The following PHACTR2 variants were observed in gnomAD, a reference collection of about 807,000 sequenced individuals.
PHACTR2 encodes the protein phosphatase and actin regulator 2.
Under a neutral mutation model 76.0 loss-of-function variants are expected in PHACTR2, and 30 were observed. The observed-to-expected ratio is 0.39, with a 90% CI of 0.30 to 0.54. PHACTR2 has a LOEUF of 0.54. Among genes scored for constraint, PHACTR2 ranks in the 20% least tolerant of loss-of-function variants. The probability of loss-of-function intolerance (pLI) is 0.61; values close to 1 mark genes in which losing one functional copy is unlikely to be tolerated. For missense variants in PHACTR2, 696 were observed against 781.1 expected, an observed-to-expected ratio of 0.89 and a Z score of 1.30; for synonymous variants, 292 against 292.5, an observed-to-expected ratio of 1.00 and a Z score of 0.02.
At chr6:143,771,204 A>ATGTGTG (rs1775121117) in intron 6 of PHACTR2, among the ~76,000 whole-genome samples, 14 of 74,532 alleles carry the variant, frequency 1.9e-4, no homozygotes, top group African/African-American at 1.1e-3. Context: ...GTATATATAT[A>ATGTGTG]TATATATATA....
intron 1 of PHACTR2, among the ~76,000 whole-genome samples, chr6:143,685,741 T>C (rs1490434384): frequency 6.8e-6 from 1 of 148,056 alleles, no homozygotes; most frequent in Non-Finnish European, 1.5e-5. Context: ...TTAGCAAAGA[T>C]TAAAATGAGT....
At chr6:143,620,919 A>G (rs80287426) in intron 1 of PHACTR2, among the ~76,000 whole-genome samples, 1,703 of 152,356 alleles carry the variant, frequency 0.011, 30 homozygotes, top group African/African-American at 0.038. Flanking sequence ...CCCATCAGCT[A>G]TGTTGAAGCT....
At position 143,618,097 on chromosome 6, in the gene PHACTR2, G is replaced by T. The variant is rs1177741520; in HGVS notation, c.13+9775G>T. Among the ~76,000 whole-genome samples, 2 of 152,160 alleles carry T rather than the reference G, an allele frequency of 1.3e-5. No homozygotes were observed. The highest frequency in any genetic ancestry group is 1.3e-4 in the Admixed American group (2 of 15,280). On this transcript the variant is annotated intron_variant, in intron 1 of 11. Coordinates refer to the PHACTR2 transcript ENST00000305766. This position sits in a 1 kb window ranked among gnomAD's most constrained non-coding sequence, Gnocchi z 5.2. Reference sequence around the variant, plus strand: ...TTAGACCCCCAAATAGCACTGCTATGATTTAATCATCACTAACTGTATCTG... The same window carrying T: ...TTAGACCCCCAAATAGCACTGCTATTATTTAATCATCACTAACTGTATCTG...
rs1023450814 is a variant in PHACTR2 at position 143,753,619 on chromosome 6, G to T, written c.296-135G>T. 2 of 577,768 alleles carry T rather than the reference G, an allele frequency of 3.5e-6. No individual in the cohort carries two copies. The highest frequency in any genetic ancestry group is 5.2e-5 in the South Asian group (2 of 38,108). 35.8% of individuals were successfully genotyped at this position (577,768 alleles called of 1,614,324 possible). A position where few individuals can be genotyped will look rare whatever the true frequency, so the allele number is the denominator to read the frequency against. On this transcript the variant is annotated intron_variant, in intron 3 of 12. Transcript: ENST00000440869. This position sits in a 1 kb window ranked among gnomAD's most constrained non-coding sequence, Gnocchi z 4.6. Reference sequence around the variant, plus strand: ...CTAGCTCTTTTGTTTTGAATAAACCGGTGAAACAGTGCAGGGTGTATTTGG... The same window carrying T: ...CTAGCTCTTTTGTTTTGAATAAACCTGTGAAACAGTGCAGGGTGTATTTGG...
rs768618888 is a variant in PHACTR2 at position 143,801,690 on chromosome 6, C to T, written c.1846-5367C>T. Reference sequence around the variant, plus strand: ...GTTTGTTATTACTGACCTTCTGAAGCCTACTCTGTCAACTCATCAAACTCA... The same window carrying T: ...GTTTGTTATTACTGACCTTCTGAAGTCTACTCTGTCAACTCATCAAACTCA... On this transcript the variant is annotated intron_variant, in intron 11 of 12. Transcript: ENST00000440869. This position sits in a 1 kb window ranked among gnomAD's most constrained non-coding sequence, Gnocchi z 4.6. Among the ~76,000 whole-genome samples, 13 of 152,134 alleles carry T rather than the reference C, an allele frequency of 8.5e-5. No homozygotes were observed. Among genetic ancestry groups the T allele is most frequent in the Non-Finnish European group, 1.8e-4 (12 of 68,034 alleles).
rs1775329306 is a variant in PHACTR2 at position 143,564,237 on chromosome 6, GTATGC to G, written c.217+27031_217+27035del. Among the ~76,000 whole-genome samples, 3 of 56,452 alleles carry G rather than the reference GTATGC, an allele frequency of 5.3e-5. 1 individual carries two copies. The highest frequency in any genetic ancestry group is 2.1e-4 in the African/African-American group (3 of 14,058). The allele number at this position is 56,452 out of a possible 152,430, so 37.0% of individuals were successfully genotyped here. Reference sequence around the variant, plus strand: ...TATATATATATATATATATATATATGTATGCCACTGCACTCTAACCTTGGCAACAG... The same window carrying G: ...TATATATATATATATATATATATATGCACTGCACTCTAACCTTGGCAACAG... On this transcript the variant is annotated intron_variant, in intron 1 of 11. Coordinates refer to the PHACTR2 transcript ENST00000367584.
At chr6:143,721,614 C>A (rs1284905690) in intron 2 of PHACTR2, among the ~76,000 whole-genome samples, 1 of 150,436 alleles carries the variant, frequency 6.6e-6, no homozygotes, top group African/African-American at 2.5e-5. Flanking sequence ...CAAATTATCT[C>A]CAGTCTTTCT....
intron 1 of PHACTR2, among the ~76,000 whole-genome samples, chr6:143,584,457 G>C: frequency 6.6e-6 from 1 of 152,100 alleles, no homozygotes; most frequent in East Asian, 1.9e-4. Flanking sequence ...AACAAACAGC[G>C]CCTAATTCAA....
rs573142454 is a variant in PHACTR2, at chr6:143,571,822, C to T, written c.217+34615C>T. Among the ~76,000 whole-genome samples, 1 of 152,274 alleles carries T rather than the reference C, an allele frequency of 6.6e-6. No individual in the cohort carries two copies. Among genetic ancestry groups the T allele is most frequent in the South Asian group, 2.1e-4 (1 of 4,822 alleles). ...CCTGCTTTAGAATCAGTCTTTTCTCCTATGAGCCCTGCTTTCAGTATTATT... is the reference window on the plus strand; with the variant it reads ...CCTGCTTTAGAATCAGTCTTTTCTCTTATGAGCCCTGCTTTCAGTATTATT... On this transcript the variant is annotated intron_variant, in intron 1 of 11. Coordinates refer to the PHACTR2 transcript ENST00000367584. This position sits in a 1 kb window ranked among gnomAD's most constrained non-coding sequence, Gnocchi z 4.6.
intron 2 of PHACTR2, among the ~76,000 whole-genome samples, chr6:143,718,882 T>G (rs1582806898): frequency 6.9e-6 from 1 of 145,468 alleles, no homozygotes; most frequent in Admixed American, 6.9e-5. Context: ...AGTGTTTTTT[T>G]TTTTTTTTTT....
chr6:143,803,857 T>C lies in PHACTR2; in HGVS notation c.1846-3200T>C, dbSNP rs1170079936. On this transcript the variant is annotated intron_variant, in intron 11 of 12. Transcript: ENST00000440869. This position sits in a 1 kb window ranked among gnomAD's most constrained non-coding sequence, Gnocchi z 4.7. Reference sequence around the variant, plus strand: ...GAGCGTTGCGAAAATAAAAGCAAGATATTTCATGACAAACTTATCCTGAGG... The same window carrying C: ...GAGCGTTGCGAAAATAAAAGCAAGACATTTCATGACAAACTTATCCTGAGG... Among the ~76,000 whole-genome samples the C allele has an allele frequency of 6.6e-6, 1 of 152,234 alleles. No individual in the cohort carries two copies. The highest frequency in any genetic ancestry group is 6.5e-5 in the Admixed American group (1 of 15,286).
Position 143,765,784 on chromosome 6 carries a change from A to C in PHACTR2, c.1218A>C (p.Arg406Ser). Residue 406 changes from arginine to serine, a missense_variant, in exon 6 of 13, where the codon AGA (arginine) becomes AGC (serine). Around this residue, in one of 2 missense-constraint regions of PHACTR2, gnomAD observed 236 missense variants for 330.2 expected, o/e 0.71. Transcript: ENST00000440869. The surrounding 1 kb of genome is among the most constrained non-coding windows in gnomAD (Gnocchi z 4.1). ...LYSGTGLSVNRENAKCFTTKE... is the reference protein window; with the variant it reads ...LYSGTGLSVNSENAKCFTTKE... ...CAGGCACTGGCTTAAGTGTTAACAG[A>C]GAAAATGCAAAATGGTGAGTTGGGG... The C allele has an allele frequency of 6.2e-7, 1 of 1,607,376 alleles. No homozygotes were observed. The highest frequency in any genetic ancestry group is 8.5e-7 in the Non-Finnish European group (1 of 1,174,690).
rs1778100231 is a variant in PHACTR2 at position 143,708,435 on chromosome 6, C to T, written c.47-3581C>T. Among the ~76,000 whole-genome samples the T allele has an allele frequency of 6.6e-6, 1 of 152,122 alleles. No individual in the cohort carries two copies. The highest frequency in any genetic ancestry group is 1.5e-5 in the Non-Finnish European group (1 of 68,020). Reference sequence around the variant, plus strand: ...ATGAATGACAAGTTACTCTTAGTAACATAAAAATGGATCAAAATTAATGCT... The same window carrying T: ...ATGAATGACAAGTTACTCTTAGTAATATAAAAATGGATCAAAATTAATGCT... On this transcript the variant is annotated intron_variant, in intron 1 of 12. Coordinates refer to ENST00000440869, the MANE Select transcript of PHACTR2 (RefSeq NM_001100164.2). The surrounding 1 kb of genome is among the most constrained non-coding windows in gnomAD (Gnocchi z 5.5).
rs1776162332 is a variant in PHACTR2 at position 143,621,965 on chromosome 6, T to C, written c.13+13643T>C. Among the ~76,000 whole-genome samples, 1 of 152,320 alleles carries C rather than the reference T, an allele frequency of 6.6e-6. No homozygotes were observed. The highest frequency in any genetic ancestry group is 1.5e-5 in the Non-Finnish European group (1 of 68,022). On this transcript the variant is annotated intron_variant, in intron 1 of 11. Coordinates refer to the PHACTR2 transcript ENST00000305766. The surrounding 1 kb of genome is among the most constrained non-coding windows in gnomAD (Gnocchi z 4.1). ...TCCCTCCTTCTAATCTGCTGTTTTC[T>C]TCTTTTTGTGTGTGTGGTCTGGGAA...
intron 11 of PHACTR2, 75 bp downstream of exon 11, chr6:143,788,985 A>G: frequency 7.3e-7 from 1 of 1,378,656 alleles, no homozygotes; most frequent in Non-Finnish European, 1.0e-6. Flanking sequence ...CCCCCTACTT[A>G]AGTCATCCCA....
intron 1 of PHACTR2, among the ~76,000 whole-genome samples, chr6:143,567,290 C>T (rs1775376797): frequency 1.3e-5 from 2 of 152,210 alleles, no homozygotes. Context: ...TTCCCTCCCT[C>T]TCTCGTTCTC....
chr6:143,713,903 G>A (rs368486557), intron 2 of PHACTR2, among the ~76,000 whole-genome samples: 8 of 152,294 alleles, frequency 5.3e-5, no homozygotes, highest in African/African-American at 1.9e-4. Context: ...GGCTCCAGAC[G>A]TAACGTACGA....
intron 1 of PHACTR2, among the ~76,000 whole-genome samples, chr6:143,612,302 T>C (rs751971736): frequency 6.6e-6 from 1 of 152,054 alleles, no homozygotes; most frequent in Non-Finnish European, 1.5e-5. Flanking sequence ...CATAAGAAAA[T>C]GTAAGCACGA....
At chr6:143,701,518 G>C (rs1777912130) in intron 1 of PHACTR2, among the ~76,000 whole-genome samples, 1 of 152,150 alleles carries the variant, frequency 6.6e-6, no homozygotes, top group South Asian at 2.1e-4. Flanking sequence ...ATAAGTGGCT[G>C]GGAGTTGAAT....
Sources: allele counts gnomAD v4.1 joint callset (sites outside exome capture counted in the v4.1 genomes callset), GRCh38; gene constraint gnomAD v4.1.1; regional missense constraint gnomAD v4.1.1; non-coding constraint Gnocchi (gnomAD v3.1); transcripts MANE v1.5; gene names NCBI Gene and HGNC (gene_info 2026-07-23, HGNC 2026-07-21).